DCAF6: variants seen among roughly 807,000 people sequenced by gnomAD.
DCAF6 encodes the protein DDB1 and CUL4 associated factor 6, also known as DDB1- and CUL4-associated factor 6.
DCAF6 carries 54 observed loss-of-function variants against 125.1 expected under a neutral mutation model. The observed-to-expected ratio is 0.43, with a 90% CI of 0.35 to 0.54. The LOEUF is 0.54. Ranked by LOEUF, DCAF6 falls within the 20% of genes least tolerant of loss-of-function variation. DCAF6 has a pLI of 0.01. For synonymous variants in DCAF6, 371 were observed against 390.4 expected (o/e 0.95, Z 0.58); for missense variants, 934 against 1,161.7 (o/e 0.80, Z 2.85).
At chr1:167,974,342 A>G (rs1677811032) in intron 3 of DCAF6, among the ~76,000 whole-genome samples, 1 of 152,174 alleles carries the variant, frequency 6.6e-6, no homozygotes. Context: ...TTACTGTCAC[A>G]GTAATTCTGG....
chr1:167,999,829 A>G (rs534389329), intron 7 of DCAF6, among the ~76,000 whole-genome samples: 2 of 152,302 alleles, frequency 1.3e-5, no homozygotes, highest in African/African-American at 4.8e-5. Context: ...CCATATCAGT[A>G]ATAAGGCTGT....
chr1:168,073,013 TA>T (rs1693313194), intron 21 of DCAF6, among the ~76,000 whole-genome samples: 1 of 151,950 alleles, frequency 6.6e-6, no homozygotes, highest in South Asian at 2.1e-4. Context: ...CCATCTCTAC[TA>T]AAAACAAAAA....
chr1:168,039,235 A>G (rs914703332), intron 13 of DCAF6, among the ~76,000 whole-genome samples: 1 of 152,050 alleles, frequency 6.6e-6, no homozygotes, highest in South Asian at 2.1e-4. Flanking sequence ...CTATAGTCCT[A>G]CTAGACACAT....
chr1:168,002,544 A>G lies in DCAF6; in HGVS notation c.966A>G (p.Arg322=), dbSNP rs1571889094. 6.2e-7 allele frequency: 1 copy of G among 1,613,064 alleles called. No homozygotes were observed. The highest frequency in any genetic ancestry group is 8.5e-7 in the Non-Finnish European group (1 of 1,179,208). Residue 322 remains arginine, a synonymous_variant, in exon 8 of 22, where the codon AGA becomes AGG. Transcript: ENST00000367840. ...LRGDWSDTGP[R]ARPESERERD... is the part of the protein sequence containing the mutation. ...GTGATTGGTCAGATACTGGACCCAG[A>G]GCAAGGCCGGAGAGTGAACGAGAAC...
the DCAF6 span, among the ~76,000 whole-genome samples, chr1:167,925,913 TAA>T: frequency 1.3e-5 from 2 of 152,248 alleles, no homozygotes; most frequent in Admixed American, 1.3e-4. Flanking sequence ...TAAATATTGA[TAA>T]GTCTGTCTTA....
the DCAF6 span, among the ~76,000 whole-genome samples, chr1:167,922,375 A>G: frequency 6.6e-6 from 1 of 152,148 alleles, no homozygotes; most frequent in African/African-American, 2.4e-5. Flanking sequence ...ATAAACTCCT[A>G]AACTGTGGTA....
chr1:168,060,239 G>A (rs1273836345), intron 17 of DCAF6, among the ~76,000 whole-genome samples: 2 of 152,050 alleles, frequency 1.3e-5, no homozygotes, highest in Admixed American at 6.6e-5. Flanking sequence ...GGAATACATG[G>A]CATGATCTTA....
the DCAF6 span, among the ~76,000 whole-genome samples, chr1:167,925,069 T>TA: frequency 6.6e-6 from 1 of 152,212 alleles, no homozygotes; most frequent in South Asian, 2.1e-4. Flanking sequence ...TACTTGCCTT[T>TA]AGCCTTAAGT....
chr1:167,878,746 T>C, the DCAF6 span: 31,020 of 1,080,766 alleles, frequency 0.029, 4,610 homozygotes, highest in African/African-American at 0.37. Flanking sequence ...CCCTTTGCTG[T>C]TCATGAGTGA....
chr1:167,892,890 A>G, the DCAF6 span, among the ~76,000 whole-genome samples: 5 of 152,238 alleles, frequency 3.3e-5, 1 homozygote, highest in South Asian at 8.3e-4. Flanking sequence ...TCCTAGCTAT[A>G]TCTTTTACTT....
chr1:167,942,213 C>A (rs1243196862), intron 1 of DCAF6, among the ~76,000 whole-genome samples: 1 of 151,482 alleles, frequency 6.6e-6, no homozygotes, highest in Non-Finnish European at 1.5e-5. Context: ...TATGGGCATG[C>A]GCCACCATGC....
At chr1:167,874,776 T>G in the DCAF6 span, among the ~76,000 whole-genome samples, 27 of 152,252 alleles carry the variant, frequency 1.8e-4, no homozygotes, top group African/African-American at 6.3e-4. Context: ...GAATACTACA[T>G]AGTAATGACA....
chr1:167,975,044 A>G (rs1038748710), intron 4 of DCAF6, 29 bp downstream of exon 4: 4 of 1,414,054 alleles, frequency 2.8e-6, no homozygotes, highest in Non-Finnish European at 3.8e-6. Context: ...TATATGATAT[A>G]TATGTAAGTA....
At chr1:167,905,131 G>T in the DCAF6 span, 1 of 1,614,190 alleles carries the variant, frequency 6.2e-7, no homozygotes, top group Non-Finnish European at 8.5e-7. Context: ...TCTTCTTTTG[G>T]AGTGTTCATG....
chr1:167,977,950 C>A (rs796115942), intron 4 of DCAF6, among the ~76,000 whole-genome samples: 1 of 152,104 alleles, frequency 6.6e-6, no homozygotes, highest in African/African-American at 2.4e-5. Flanking sequence ...TTCTAATACC[C>A]CTGTTTTTCT....
chr1:168,020,021 G>A (rs1204179249), intron 11 of DCAF6: 1 of 152,654 alleles, frequency 6.6e-6, no homozygotes, highest in Admixed American at 6.5e-5. Flanking sequence ...ACAGTGATGA[G>A]TCTTTTAGAA....
At chr1:167,946,481 A>G (rs930730436) in intron 1 of DCAF6, among the ~76,000 whole-genome samples, 1 of 152,160 alleles carries the variant, frequency 6.6e-6, no homozygotes, top group African/African-American at 2.4e-5. Flanking sequence ...TCTTTTCCCT[A>G]TTCAGTATGA....
At chr1:167,975,190 T>C (rs1677963663) in intron 4 of DCAF6, among the ~76,000 whole-genome samples, 175 bp downstream of exon 4, 2 of 152,206 alleles carry the variant, frequency 1.3e-5, no homozygotes, top group Non-Finnish European at 2.9e-5. Flanking sequence ...AAATGTATCT[T>C]GATAGGCTTC....
chr1:167,983,224 A>G (rs549914862), intron 4 of DCAF6, among the ~76,000 whole-genome samples: 1 of 152,316 alleles, frequency 6.6e-6, no homozygotes, highest in Admixed American at 6.5e-5. Flanking sequence ...TTTGATAGGA[A>G]TAGCATTGAA....
Sources: allele counts gnomAD v4.1 joint callset (sites outside exome capture counted in the v4.1 genomes callset), GRCh38; gene constraint gnomAD v4.1.1; transcripts MANE v1.5; gene names NCBI Gene and HGNC (gene_info 2026-07-23, HGNC 2026-07-21).